Variants in KIF13B observed in about 807,000 individuals in gnomAD.
The protein encoded by KIF13B is kinesin family member 13B, also known as kinesin-like protein KIF13B.
Under a neutral mutation model 222.0 loss-of-function variants are expected in KIF13B, and 127 were observed. The observed-to-expected ratio is 0.57, with a 90% CI of 0.50 to 0.66. The LOEUF (loss-of-function observed/expected upper bound fraction) is 0.66. KIF13B is among the 30% of genes least tolerant of loss of function. The pLI, the probability that KIF13B is intolerant of heterozygous loss-of-function variation, is 0.00. For synonymous variants in KIF13B, 976 were observed against 919.0 expected, an observed-to-expected ratio of 1.06 and a Z score of -1.12; for missense variants, 2,173 against 2,379.0, an observed-to-expected ratio of 0.91 and a Z score of 1.80.
chr8:29,142,213 G>A lies in KIF13B; in HGVS notation c.2278C>T (p.Leu760=). 1.2e-6 allele frequency: 2 copies of A among 1,613,318 alleles called. No homozygotes were observed. ...IWSLEKLDNR[L]LDMRDLYQEW... The stretch of plus-strand genomic sequence containing the variant: ...TGATAAAGGTCTCTCATATCCAACA[G>A]CCTGTTGTCCAGTTTTTCCAAAGAC... Residue 760 remains leucine, a synonymous_variant, in exon 19 of 40, where the codon CTG becomes TTG. Coordinates refer to ENST00000524189, the MANE Select transcript of KIF13B (RefSeq NM_015254.4).
Position 29,167,568 on chromosome 8 carries a change from G to A in KIF13B, c.963C>T (p.Asn321=). ...CAGTAGCCACCATGGCGGTCTTGCT[G>A]TTACCCCCGAGGCTGTCCTACAGGA... is the stretch of plus-strand genomic sequence containing the variant. The part of the protein sequence containing the change: ...TWLLKDSLGG[N]SKTAMVATVS... Residue 321 remains asparagine, a synonymous_variant, in exon 11 of 40, where the codon AAC becomes AAT. Coordinates refer to ENST00000524189, the MANE Select transcript of KIF13B (RefSeq NM_015254.4). The A allele has an allele frequency of 6.2e-7, 1 of 1,613,978 alleles. No individual in the cohort carries two copies. The highest frequency in any genetic ancestry group is 8.5e-7 in the Non-Finnish European group (1 of 1,179,842).
chr8:29,121,662 C>T (rs371028652), intron 29 of KIF13B, among the ~76,000 whole-genome samples: 12 of 138,128 alleles, frequency 8.7e-5, no homozygotes, highest in East Asian at 8.3e-4. Context: ...ACTTCATGTC[C>T]AAAACACCAA....
At chr8:29,096,153 TG>T in intron 36 of KIF13B, among the ~76,000 whole-genome samples, 1 of 151,738 alleles carries the variant, frequency 6.6e-6, no homozygotes, top group Non-Finnish European at 1.5e-5. Flanking sequence ...GGCTAATTTT[TG>T]TGTTTTTAGT....
At chr8:29,222,992 T>C (rs1814827447) in intron 2 of KIF13B, among the ~76,000 whole-genome samples, 1 of 152,042 alleles carries the variant, frequency 6.6e-6, no homozygotes, top group South Asian at 2.1e-4. Flanking sequence ...AAAGCAGCTT[T>C]ATGATCAAAA....
chr8:29,182,174 C>A (rs1347564855), intron 6 of KIF13B, among the ~76,000 whole-genome samples, 168 bp from the exon 7 acceptor site: 1 of 152,100 alleles, frequency 6.6e-6, no homozygotes, highest in African/African-American at 2.4e-5. Flanking sequence ...ATCTTCACTG[C>A]GAAGAAAACT....
intron 2 of KIF13B, among the ~76,000 whole-genome samples, chr8:29,214,055 G>A (rs1380514014): frequency 6.6e-6 from 1 of 152,216 alleles, no homozygotes; most frequent in Non-Finnish European, 1.5e-5. Flanking sequence ...TACCATCAAT[G>A]CAGTTTGCAG....
intron 36 of KIF13B, among the ~76,000 whole-genome samples, chr8:29,096,023 C>G: frequency 6.6e-6 from 1 of 151,106 alleles, no homozygotes; most frequent in Non-Finnish European, 1.5e-5. Flanking sequence ...ACTCTGTCAC[C>G]CAGACTGGAG....
At position 29,140,575 on chromosome 8, in the gene KIF13B, C is replaced by T; in HGVS notation, c.2377G>A (p.Glu793Lys). 6.2e-7 allele frequency: 1 copy of T among 1,613,746 alleles called. No individual in the cohort carries two copies. Among genetic ancestry groups the T allele is most frequent in the South Asian group, 1.1e-5 (1 of 91,054 alleles). The part of the protein sequence containing the change: ...YFKRADPFYD[E>K]QENHSLIGVA... Reference sequence around the variant, plus strand: ...CCAATGAGACTGTGATTTTCCTGCTCATCATAGAATGGATCAGCACGTTTG... The same window carrying T: ...CCAATGAGACTGTGATTTTCCTGCTTATCATAGAATGGATCAGCACGTTTG... The change falls in exon 20 of 40, where the codon GAG (glutamate) becomes AAG (lysine). Residue 793 changes from glutamate (E) to lysine (K), a missense_variant. By Grantham distance (56) the Glu-to-Lys change is moderately conservative. Coordinates refer to ENST00000524189, the MANE Select transcript of KIF13B (RefSeq NM_015254.4).
At chr8:29,155,933 C>G (rs1043584515) in intron 13 of KIF13B, 77 bp from the exon 14 acceptor site, 13 of 1,196,648 alleles carry the variant, frequency 1.1e-5, no homozygotes, top group African/African-American at 1.5e-5. Context: ...ACTGAGCCCT[C>G]TTATATTGTC....
rs142429192 is a variant in KIF13B at position 29,138,735 on chromosome 8, G to A, written c.2613+1328C>T. 7.9e-5 allele frequency: 12 copies of A among 152,308 alleles called. No individual in the cohort carries two copies. The East Asian group carries it at 2.3e-3, about 29-fold the overall frequency. 9.4% of individuals were successfully genotyped at this position (152,308 alleles called of 1,614,324 possible). On this transcript the variant is annotated intron_variant, in intron 21 of 39. Transcript: ENST00000524189. ...AGCAGAATCCAGACTATGGGAAACT[G>A]CAGGTCAACAACCCAGTTTCTACAA...
chr8:29,140,559 CTG>C lies in KIF13B; in HGVS notation c.2391_2392del (p.His797GlnfsTer16). On this transcript the variant is annotated frameshift_variant, in exon 20 of 40. Coordinates refer to ENST00000524189, the MANE Select transcript of KIF13B (RefSeq NM_015254.4). LOFTEE classifies it high-confidence loss of function. The stretch of plus-strand genomic sequence containing the variant: ...GAAGACATTGGCCACCCCAATGAGA[CTG>C]TGATTTTCCTGCTCATCATAGAATG... 3 of 1,613,764 alleles carry C rather than the reference CTG, an allele frequency of 1.9e-6. No individual in the cohort carries two copies. Among genetic ancestry groups the C allele is most frequent in the Non-Finnish European group, 2.5e-6 (3 of 1,179,708 alleles).
chr8:29,170,528 C>T (rs1217023869), intron 10 of KIF13B, among the ~76,000 whole-genome samples: 1 of 152,116 alleles, frequency 6.6e-6, no homozygotes, highest in African/African-American at 2.4e-5. Context: ...GGAAGACTCT[C>T]ACAGAAAGTG....
chr8:29,117,006 A>C lies in KIF13B; in HGVS notation c.3662T>G (p.Val1221Gly), dbSNP rs907831530. The change falls in exon 31 of 40, where the codon GTG (valine) becomes GGG (glycine). Residue 1221 changes from valine (V) to glycine (G), a missense_variant and splice_region_variant. Transcript: ENST00000524189. ...LQIVKQHDGE[V>G]KAEASWDSAV... ...GGAGTCCCAGGAGGCTTCTGCTTTC[A>C]CCTGGAGAGAAGACAGAGAGGAAAC... The C allele has an allele frequency of 1.3e-6, 2 of 1,561,564 alleles. No individual in the cohort carries two copies. Among genetic ancestry groups the C allele is most frequent in the African/African-American group, 2.7e-5 (2 of 73,062 alleles).
At position 29,196,212 on chromosome 8, in the gene KIF13B, A is replaced by G. The variant is rs1305337011; in HGVS notation, c.150-13T>C. ...CTTCGGCTGGCCCCTGAGCTCCCAA[A>G]ACAGATGTCATCATTGACGTGAAAG... is the stretch of plus-strand genomic sequence containing the variant. On this transcript the variant is annotated splice_polypyrimidine_tract_variant and intron_variant, in intron 2 of 39. Coordinates refer to ENST00000524189, the MANE Select transcript of KIF13B (RefSeq NM_015254.4). 2 of 1,556,246 alleles carry G rather than the reference A, an allele frequency of 1.3e-6. No individual in the cohort carries two copies. Among genetic ancestry groups the G allele is most frequent in the Non-Finnish European group, 1.7e-6 (2 of 1,150,598 alleles).
intron 15 of KIF13B, among the ~76,000 whole-genome samples, chr8:29,149,701 T>C (rs930069524): frequency 6.6e-6 from 1 of 152,228 alleles, no homozygotes; most frequent in African/African-American, 2.4e-5. Flanking sequence ...GAATGCTGCT[T>C]TGACGGCAGT....
At chr8:29,076,720 T>A (rs1479931325) in intron 37 of KIF13B, among the ~76,000 whole-genome samples, 1 of 152,154 alleles carries the variant, frequency 6.6e-6, no homozygotes, top group African/African-American at 2.4e-5. Context: ...TAAGAGGGAA[T>A]TGATTCCACA....
intron 37 of KIF13B, among the ~76,000 whole-genome samples, chr8:29,076,995 A>T (rs1248619572): frequency 6.6e-6 from 1 of 152,160 alleles, no homozygotes; most frequent in African/African-American, 2.4e-5. Flanking sequence ...AAAAGAAAAT[A>T]AGGTGGAAGG....
In KIF13B at chr8:29,071,113, C is replaced by T. The variant is rs142552379; in HGVS notation, c.5219-347G>A. On this transcript the variant is annotated intron_variant, in intron 39 of 39. Coordinates refer to ENST00000524189, the MANE Select transcript of KIF13B (RefSeq NM_015254.4). This position sits in a 1 kb window ranked among gnomAD's most constrained non-coding sequence, Gnocchi z 4.9. ...TAAGGCACAACCGGCCCGCCTCGTG[C>T]GGGAACAGACCCTTCTCCATCTGGA... Among the ~76,000 whole-genome samples the T allele has an allele frequency of 1.6e-3, 240 of 152,288 alleles. 1 individual carries two copies. Among genetic ancestry groups the T allele is most frequent in the African/African-American group, 5.4e-3 (224 of 41,554 alleles).
intron 2 of KIF13B, among the ~76,000 whole-genome samples, chr8:29,207,506 T>G (rs193113800): frequency 3.0e-4 from 46 of 152,190 alleles, no homozygotes; most frequent in African/African-American, 1.1e-3. Context: ...GGACGTGACA[T>G]GAAATGACGA....
Sources: gnomAD v4.1 joint callset for allele counts (sites outside exome capture counted in the v4.1 genomes callset) on GRCh38, gnomAD v4.1.1 for gene constraint, Gnocchi (gnomAD v3.1) non-coding constraint, MANE v1.5 for transcripts, NCBI Gene and HGNC (gene_info 2026-07-23, HGNC 2026-07-21) for gene names.